Variants in EVI5 observed in about 807,000 individuals in gnomAD.
The protein encoded by EVI5 is ecotropic viral integration site 5 protein homolog.
In EVI5, 73 loss-of-function variants were observed where a neutral mutation model predicts 112.0. The ratio of observed to expected loss-of-function variants is 0.65; its 90% CI spans 0.54 to 0.79. The LOEUF is 0.79. Among genes scored for constraint, EVI5 ranks in the 30% least tolerant of loss-of-function variants. EVI5 has a pLI of 0.00. For missense variants in EVI5, 900 were observed against 968.8 expected, an observed-to-expected ratio of 0.93 and a Z score of 0.94; for synonymous variants, 305 against 319.9, an observed-to-expected ratio of 0.95 and a Z score of 0.50.
At chr1:92,515,379 C>G (rs1168649632) in intron 19 of EVI5, among the ~76,000 whole-genome samples, 1 of 152,166 alleles carries the variant, frequency 6.6e-6, no homozygotes, top group Non-Finnish European at 1.5e-5. Flanking sequence ...CCTCAAACTC[C>G]CAAATCCACA....
intron 2 of EVI5, among the ~76,000 whole-genome samples, chr1:92,734,841 T>C (rs1008533557): frequency 6.6e-6 from 1 of 152,038 alleles, no homozygotes; most frequent in African/African-American, 2.4e-5. Context: ...ATCAAATTTT[T>C]TTTTAAAAAT....
chr1:92,706,355 A>G (rs943074294), intron 2 of EVI5, among the ~76,000 whole-genome samples: 1 of 152,178 alleles, frequency 6.6e-6, no homozygotes, highest in African/African-American at 2.4e-5. Flanking sequence ...TACATAGGTA[A>G]TTTTCCACAT....
chr1:92,749,922 A>C (rs1679908752), intron 1 of EVI5, among the ~76,000 whole-genome samples: 1 of 152,208 alleles, frequency 6.6e-6, no homozygotes, highest in African/African-American at 2.4e-5. Context: ...CAATCAAGCC[A>C]CCAAAGTTGA....
chr1:92,655,179 G>C (rs1355573772), intron 13 of EVI5, among the ~76,000 whole-genome samples: 6 of 151,362 alleles, frequency 4.0e-5, no homozygotes, highest in Non-Finnish European at 8.8e-5. Context: ...ATACTCATCA[G>C]ACTAATGACA....
chr1:92,538,621 A>G (rs1246772175), intron 19 of EVI5, among the ~76,000 whole-genome samples: 1 of 152,184 alleles, frequency 6.6e-6, no homozygotes, highest in Non-Finnish European at 1.5e-5. Flanking sequence ...CCTCAGTTAA[A>G]AATCTGAAGG....
At chr1:92,696,309 G>T (rs1052152424) in intron 6 of EVI5, among the ~76,000 whole-genome samples, 67 of 151,922 alleles carry the variant, frequency 4.4e-4, no homozygotes, top group African/African-American at 1.5e-3. Context: ...TTTCAGAAAA[G>T]AATTAATTAA....
intron 9 of EVI5, among the ~76,000 whole-genome samples, chr1:92,681,793 T>C (rs889194870): frequency 1.1e-4 from 16 of 152,178 alleles, no homozygotes; most frequent in Non-Finnish European, 2.4e-4. Context: ...GAGTGACTAA[T>C]TAGCACTTGA....
intron 2 of EVI5, among the ~76,000 whole-genome samples, chr1:92,718,163 GACTTGA>G (rs1224895282): frequency 1.3e-5 from 2 of 152,072 alleles, no homozygotes; most frequent in African/African-American, 4.8e-5. Context: ...GGATATCCAC[GACTTGA>G]ACTCAGCTCT....
chr1:92,667,072 A>G (rs1665051158), intron 10 of EVI5, among the ~76,000 whole-genome samples: 1 of 152,128 alleles, frequency 6.6e-6, no homozygotes, highest in Non-Finnish European at 1.5e-5. Flanking sequence ...GGATCACTTG[A>G]GCTTGAGTTC....
At position 92,603,895 on chromosome 1, in the gene EVI5, A is replaced by G. The variant is rs112682182; in HGVS notation, c.2070+1412T>C. ...GACTATAGGTGCACCACCAGGTCCAACTAATTTTATTTTGTATTTTTTGTA... is the reference window on the plus strand; with the variant it reads ...GACTATAGGTGCACCACCAGGTCCAGCTAATTTTATTTTGTATTTTTTGTA... On this transcript the variant is annotated intron_variant, in intron 18 of 19. Transcript: ENST00000684568. 7.4e-3 allele frequency among the ~76,000 whole-genome samples: 1,127 copies of G among 152,042 alleles called. 14 individuals carry two copies. The highest frequency in any genetic ancestry group is 0.026 in the African/African-American group (1,073 of 41,484).
At position 92,634,711 on chromosome 1, in the gene EVI5, G is replaced by A. The variant is rs188496444; in HGVS notation, c.1527+1491C>T. ...GTCATTCTCCATTCAGCTTTTTTCC[G>A]GTGCTGGTGAGGAGCTGCGTTCCTT... On this transcript the variant is annotated intron_variant, in intron 14 of 19. Transcript: ENST00000684568. Among the ~76,000 whole-genome samples the A allele has an allele frequency of 2.3e-3, 354 of 152,222 alleles. 1 individual carries two copies. The highest frequency in any genetic ancestry group is 8.0e-3 in the African/African-American group (334 of 41,558).
intron 19 of EVI5, among the ~76,000 whole-genome samples, chr1:92,558,639 T>C (rs778640446): frequency 1.3e-5 from 2 of 152,154 alleles, no homozygotes; most frequent in African/African-American, 2.4e-5. Flanking sequence ...GTTCTCACTC[T>C]TTCTCTTCTA....
intron 16 of EVI5, among the ~76,000 whole-genome samples, chr1:92,611,613 G>A (rs1237117497): frequency 6.7e-6 from 1 of 148,748 alleles, no homozygotes; most frequent in African/African-American, 2.5e-5. Flanking sequence ...GCAGGAGAAT[G>A]GCGTGAACCT....
chr1:92,543,141 C>T (rs528355725), intron 19 of EVI5, among the ~76,000 whole-genome samples: 267 of 152,322 alleles, frequency 1.8e-3, no homozygotes, highest in Non-Finnish European at 3.5e-3. Context: ...TAGAGGGCAT[C>T]TTCCTCCGGT....
At chr1:92,542,521 G>A (rs1223340540) in intron 19 of EVI5, among the ~76,000 whole-genome samples, 1 of 152,102 alleles carries the variant, frequency 6.6e-6, no homozygotes, top group African/African-American at 2.4e-5. Flanking sequence ...TGTTCTTAAC[G>A]ACATCTAGAA....
At chr1:92,592,791 C>T (rs1010209033) in intron 18 of EVI5, among the ~76,000 whole-genome samples, 3 of 152,178 alleles carry the variant, frequency 2.0e-5, no homozygotes, top group East Asian at 1.9e-4. Flanking sequence ...ACTATAAACA[C>T]CTCTATGCAA....
intron 19 of EVI5, among the ~76,000 whole-genome samples, chr1:92,554,652 C>T (rs1667428600): frequency 6.6e-6 from 1 of 152,112 alleles, no homozygotes; most frequent in African/African-American, 2.4e-5. Context: ...GGAGTAATAG[C>T]TACTCATTTA....
At chr1:92,599,224 A>G (rs924529650) in intron 18 of EVI5, among the ~76,000 whole-genome samples, 6 of 151,968 alleles carry the variant, frequency 3.9e-5, no homozygotes, top group African/African-American at 7.2e-5. Context: ...GGCTTTCATT[A>G]TATGAATAAC....
chr1:92,780,222 T>C (rs908966259), intron 1 of EVI5, among the ~76,000 whole-genome samples: 1 of 152,212 alleles, frequency 6.6e-6, no homozygotes, highest in Non-Finnish European at 1.5e-5. Flanking sequence ...TCCACCATGG[T>C]TGTAAGTTTC....
Sources: gnomAD v4.1 joint callset for allele counts (sites outside exome capture counted in the v4.1 genomes callset) on GRCh38, gnomAD v4.1.1 for gene constraint, MANE v1.5 for transcripts, NCBI Gene and HGNC (gene_info 2026-07-23, HGNC 2026-07-21) for gene names.